Variants in TBC1D14 observed in about 807,000 individuals in gnomAD.
TBC1D14 encodes TBC1 domain family member 14.
TBC1D14 carries 26 observed loss-of-function variants against 79.0 expected under a neutral mutation model. The ratio of observed to expected loss-of-function variants is 0.33; its 90% CI spans 0.24 to 0.46. The LOEUF is 0.46. Among genes scored for constraint, TBC1D14 ranks in the 20% least tolerant of loss-of-function variants. The pLI, the probability that TBC1D14 is intolerant of heterozygous loss-of-function variation, is 1.00. For missense variants in TBC1D14, 769 were observed against 887.6 expected (o/e 0.87, Z 1.70); for synonymous variants, 394 against 349.9 (o/e 1.13, Z -1.40).
intron 1 of TBC1D14, among the ~76,000 whole-genome samples, chr4:6,911,122 C>T (rs1722952656): frequency 1.3e-5 from 2 of 152,132 alleles, no homozygotes; most frequent in Admixed American, 1.3e-4. Flanking sequence ...GTTTATCTGG[C>T]CAGTACCAAC....
intron 2 of TBC1D14, among the ~76,000 whole-genome samples, chr4:6,962,549 G>A (rs1232429151): frequency 1.3e-5 from 2 of 152,198 alleles, no homozygotes; most frequent in Middle Eastern, 3.4e-3. Flanking sequence ...GGACAAAGGA[G>A]TTTCTTCTTC....
At chr4:6,966,177 C>T (rs893151618) in intron 2 of TBC1D14, among the ~76,000 whole-genome samples, 3 of 152,124 alleles carry the variant, frequency 2.0e-5, no homozygotes, top group Non-Finnish European at 4.4e-5. Context: ...TCAGTGGGAG[C>T]CTATTCAGGC....
At chr4:7,012,485 A>G (rs1720878003) in intron 11 of TBC1D14, among the ~76,000 whole-genome samples, 1 of 152,230 alleles carries the variant, frequency 6.6e-6, no homozygotes, top group African/African-American at 2.4e-5. Context: ...AGCATTATGC[A>G]CAAAGATAGT....
chr4:6,936,517 T>G (rs1304897959), intron 2 of TBC1D14, among the ~76,000 whole-genome samples: 4 of 152,236 alleles, frequency 2.6e-5, no homozygotes, highest in Admixed American at 2.6e-4. Context: ...TACCGTAGTT[T>G]ATCCATTCAC....
chr4:6,932,046 GAGA>G (rs1321606301), intron 2 of TBC1D14, among the ~76,000 whole-genome samples: 1 of 152,040 alleles, frequency 6.6e-6, no homozygotes, highest in Non-Finnish European at 1.5e-5. Context: ...AGGCCTGAAG[GAGA>G]AGAAGAGATT....
At chr4:7,027,888 CCA>C (rs1440441930) in intron 13 of TBC1D14, among the ~76,000 whole-genome samples, 1 of 148,782 alleles carries the variant, frequency 6.7e-6, no homozygotes, top group Non-Finnish European at 1.5e-5. Flanking sequence ...CATTGCACAC[CCA>C]GTCACCCACA....
At chr4:6,967,218 A>G in intron 2 of TBC1D14, 86 bp from the exon 3 acceptor site, 2 of 1,530,704 alleles carry the variant, frequency 1.3e-6, no homozygotes, top group Non-Finnish European at 1.8e-6. Context: ...AGGAAAGCTG[A>G]CTTGTTTTTA....
At chr4:6,988,556 A>G (rs1718123213) in intron 3 of TBC1D14, among the ~76,000 whole-genome samples, 1 of 152,250 alleles carries the variant, frequency 6.6e-6, no homozygotes, top group South Asian at 2.1e-4. Flanking sequence ...GTCTTTTGAT[A>G]GGTACCACTC....
At chr4:6,965,101 T>C (rs1367463996) in intron 2 of TBC1D14, among the ~76,000 whole-genome samples, 1 of 152,158 alleles carries the variant, frequency 6.6e-6, no homozygotes, top group Non-Finnish European at 1.5e-5. Context: ...TTAGCATTAA[T>C]CCAATGTTGT....
At chr4:6,988,849 C>G (rs1718156829) in intron 3 of TBC1D14, among the ~76,000 whole-genome samples, 1 of 150,292 alleles carries the variant, frequency 6.7e-6, no homozygotes, top group Non-Finnish European at 1.5e-5. Context: ...TGTCTTTCTA[C>G]CAGGAGTACT....
At chr4:6,984,145 CTTTGGGA>C (rs1717618041) in intron 3 of TBC1D14, among the ~76,000 whole-genome samples, 2 of 152,140 alleles carry the variant, frequency 1.3e-5, no homozygotes, top group Admixed American at 1.3e-4. Context: ...AAGACTCTGG[CTTTGGGA>C]TTAGAAAGCT....
chr4:6,977,592 A>T (rs1477160218), intron 3 of TBC1D14, among the ~76,000 whole-genome samples: 1 of 135,650 alleles, frequency 7.4e-6, no homozygotes, highest in Non-Finnish European at 1.6e-5. Context: ...ATCGTCTGGG[A>T]TGTGAGGAGC....
intron 5 of TBC1D14, among the ~76,000 whole-genome samples, chr4:6,998,070 G>A (rs1441554181): frequency 1.3e-5 from 2 of 152,116 alleles, no homozygotes; most frequent in African/African-American, 4.8e-5. Flanking sequence ...GCTATTTGTA[G>A]ATTAAGAGTA....
At chr4:7,011,166 G>T (rs963828802) in intron 11 of TBC1D14, among the ~76,000 whole-genome samples, 3 of 152,228 alleles carry the variant, frequency 2.0e-5, no homozygotes, top group African/African-American at 7.2e-5. Flanking sequence ...TAATCGAGCG[G>T]TGTTGCTGCT....
chr4:6,940,496 G>A (rs1170296025), intron 2 of TBC1D14, among the ~76,000 whole-genome samples: 1 of 152,148 alleles, frequency 6.6e-6, no homozygotes, highest in Non-Finnish European at 1.5e-5. Context: ...GGTCAGATAG[G>A]TATAGCGGGG....
At chr4:7,018,627 C>T (rs777803654) in intron 12 of TBC1D14, among the ~76,000 whole-genome samples, 7 of 152,246 alleles carry the variant, frequency 4.6e-5, no homozygotes, top group Non-Finnish European at 8.8e-5. Context: ...CGCTGCCTAA[C>T]CAGTGGCTCA....
In TBC1D14 at chr4:6,909,860, C is replaced by A. The variant is rs546859471; in HGVS notation, c.-109C>A. ...TCGGACCCGCTGCCTACCGCGTGCC[C>A]GGCGTCCTCGTCGCGCGAGTTGCCG... On this transcript the variant is annotated 5_prime_UTR_variant, in exon 1 of 14. Transcript: ENST00000409757. 1 of 148,156 alleles carries A rather than the reference C, an allele frequency of 6.7e-6. No individual in the cohort carries two copies. Among genetic ancestry groups the A allele is most frequent in the Non-Finnish European group, 1.5e-5 (1 of 66,406 alleles). The allele number at this position is 148,156 out of a possible 1,614,324, so 9.2% of individuals were successfully genotyped here.
At chr4:7,015,003 G>A (rs571616201) in intron 12 of TBC1D14, among the ~76,000 whole-genome samples, 12 of 152,276 alleles carry the variant, frequency 7.9e-5, no homozygotes, top group Admixed American at 2.0e-4. Context: ...TACATAGAGC[G>A]AAGGTGACAA....
chr4:6,984,508 A>G (rs1028837181), intron 3 of TBC1D14, among the ~76,000 whole-genome samples: 3 of 152,228 alleles, frequency 2.0e-5, no homozygotes, highest in Non-Finnish European at 4.4e-5. Context: ...TTTTGATGCC[A>G]TCTGAATTAG....
Sources: allele counts gnomAD v4.1 joint callset (sites outside exome capture counted in the v4.1 genomes callset), GRCh38; gene constraint gnomAD v4.1.1; transcripts MANE v1.5; gene names NCBI Gene and HGNC (gene_info 2026-07-23, HGNC 2026-07-21).